ST3GAL6: variants seen among roughly 807,000 people sequenced by gnomAD.
ST3GAL6 encodes type 2 lactosamine alpha-2,3-sialyltransferase.
In ST3GAL6, 31 loss-of-function variants were observed where a neutral mutation model predicts 40.5. That is an observed-to-expected ratio of 0.77 (90% CI 0.58 to 1.03). The LOEUF (loss-of-function observed/expected upper bound fraction) is 1.03, where lower values mean the gene tolerates loss of function less well. ST3GAL6 is among the 50% of genes least tolerant of loss of function. The pLI, the probability that ST3GAL6 is intolerant of heterozygous loss-of-function variation, is 0.00. For missense variants in ST3GAL6, 357 were observed against 393.2 expected, an observed-to-expected ratio of 0.91 and a Z score of 0.78; for synonymous variants, 129 against 136.9, an observed-to-expected ratio of 0.94 and a Z score of 0.40.
intron 5 of ST3GAL6, among the ~76,000 whole-genome samples, chr3:98,777,497 A>T (rs777062554): frequency 6.6e-6 from 1 of 152,192 alleles, no homozygotes; most frequent in Non-Finnish European, 1.5e-5. Flanking sequence ...GGCCACCCCT[A>T]GCTGGAATGT....
intron 1 of ST3GAL6, among the ~76,000 whole-genome samples, chr3:98,751,250 T>C (rs1457156497): frequency 6.6e-6 from 1 of 152,132 alleles, no homozygotes; most frequent in East Asian, 1.9e-4. Context: ...TTTAAAATTG[T>C]GATGGATTCT....
At chr3:98,767,752 A>T (rs765206158) in intron 1 of ST3GAL6, among the ~76,000 whole-genome samples, 9 of 152,172 alleles carry the variant, frequency 5.9e-5, no homozygotes, top group Non-Finnish European at 7.3e-5. Context: ...CATTTTAGAG[A>T]GGATTGTGTC....
Position 98,788,480 on chromosome 3 carries a change from G to T in ST3GAL6, c.756+17G>T, listed in dbSNP as rs1241208277. On this transcript the variant is annotated intron_variant, in intron 8 of 9. Transcript: ENST00000483910. ...AAAAATCAGGTATGTATTTATCTCT[G>T]CATGGTTTCAAACTACAGATCTGGC... The T allele has an allele frequency of 5.0e-6, 8 of 1,587,888 alleles. No homozygotes were observed. Among genetic ancestry groups the T allele is most frequent in the Admixed American group, 1.8e-5 (1 of 55,210 alleles).
At chr3:98,733,072 C>G in intron 1 of ST3GAL6, 9 of 1,382,872 alleles carry the variant, frequency 6.5e-6, no homozygotes, top group Non-Finnish European at 8.4e-6. Context: ...GGCCTGGGGT[C>G]TGTGCTGCCC....
At chr3:98,771,091 T>G in intron 3 of ST3GAL6, 135 bp downstream of exon 3, 1 of 1,509,646 alleles carries the variant, frequency 6.6e-7, no homozygotes, top group Non-Finnish European at 8.9e-7. Context: ...AGGAAGAGCT[T>G]GAATATCCTG....
intron 4 of ST3GAL6, 143 bp downstream of exon 4, chr3:98,773,059 G>A (rs1372577795): frequency 1.9e-6 from 1 of 533,664 alleles, no homozygotes; most frequent in Admixed American, 3.4e-5. Flanking sequence ...GGAATGAAAT[G>A]AATTACATTT....
chr3:98,785,281 A>T (rs1004278282), intron 6 of ST3GAL6, among the ~76,000 whole-genome samples: 4 of 152,238 alleles, frequency 2.6e-5, no homozygotes, highest in African/African-American at 9.6e-5. Flanking sequence ...AGAGATAGCA[A>T]TGGATAAGAA....
At chr3:98,749,419 C>T (rs1044601857) in intron 1 of ST3GAL6, among the ~76,000 whole-genome samples, 1 of 152,142 alleles carries the variant, frequency 6.6e-6, no homozygotes, top group African/African-American at 2.4e-5. Context: ...GAGAGCAGGA[C>T]AGTTTCAACA....
chr3:98,746,354 C>A (rs1055421193), intron 1 of ST3GAL6, among the ~76,000 whole-genome samples: 1 of 151,788 alleles, frequency 6.6e-6, no homozygotes, highest in African/African-American at 2.4e-5. Context: ...CAAACAGACT[C>A]CATTGTAACC....
intron 3 of ST3GAL6, chr3:98,771,293 A>T: frequency 1.7e-6 from 1 of 574,124 alleles, no homozygotes; most frequent in South Asian, 2.1e-5. Context: ...TTCCACCCTT[A>T]TTAATTTGTG....
chr3:98,789,889 G>A (rs1208334391), intron 8 of ST3GAL6, among the ~76,000 whole-genome samples: 1 of 152,188 alleles, frequency 6.6e-6, no homozygotes, highest in Non-Finnish European at 1.5e-5. Context: ...CTACATCAAA[G>A]TCCCAGTAGG....
chr3:98,737,281 A>G (rs1409746812), intron 1 of ST3GAL6, among the ~76,000 whole-genome samples: 1 of 151,994 alleles, frequency 6.6e-6, no homozygotes, highest in Non-Finnish European at 1.5e-5. Context: ...GAACTCCTGA[A>G]TTCAGGTGAT....
intron 1 of ST3GAL6, among the ~76,000 whole-genome samples, chr3:98,745,853 A>G (rs1936502067): frequency 2.6e-5 from 4 of 152,222 alleles, no homozygotes. Flanking sequence ...TTTGTAGTTC[A>G]GAGGTCAGGG....
intron 1 of ST3GAL6, chr3:98,756,539 A>G: frequency 8.0e-7 from 1 of 1,252,206 alleles, no homozygotes; most frequent in Non-Finnish European, 1.0e-6. Context: ...TTAAAAGTGC[A>G]GGTAAGCAAA....
chr3:98,749,241 T>C (rs906161962), intron 1 of ST3GAL6, among the ~76,000 whole-genome samples: 9 of 152,204 alleles, frequency 5.9e-5, no homozygotes, highest in Non-Finnish European at 1.5e-5. Context: ...AGGAAATAAA[T>C]CTAGGATTGT....
At chr3:98,740,711 C>A (rs2107277975) in intron 1 of ST3GAL6, among the ~76,000 whole-genome samples, 1 of 152,266 alleles carries the variant, frequency 6.6e-6, no homozygotes, top group East Asian at 1.9e-4. Flanking sequence ...AATATTTGAG[C>A]ATAGTTTCTG....
At chr3:98,742,698 T>C (rs34382949) in intron 1 of ST3GAL6, among the ~76,000 whole-genome samples, 19 of 130,678 alleles carry the variant, frequency 1.5e-4, no homozygotes, top group Middle Eastern at 4.4e-3. Flanking sequence ...TTCTTTCTTT[T>C]TTTTTTTTTT....
chr3:98,777,103 T>A (rs1164289692), intron 5 of ST3GAL6, among the ~76,000 whole-genome samples: 1 of 152,180 alleles, frequency 6.6e-6, no homozygotes, highest in Admixed American at 6.5e-5. Context: ...GTATGATGGC[T>A]GGAGTTCCAC....
Position 98,763,388 on chromosome 3 carries a change from A to AG in ST3GAL6, c.-59dup. ...GACTAGGATGGATGACGGCCTGTCC[A>AG]GGGGCTGAATGGACACAGGTGTCAG... is the stretch of plus-strand genomic sequence containing the variant. On this transcript the variant is annotated 5_prime_UTR_variant, in exon 1 of 10. The change abolishes the stop of an existing upstream ORF in the 5' untranslated region. Coordinates refer to ENST00000483910, the MANE Select transcript of ST3GAL6 (RefSeq NM_001323368.2). 1 of 1,289,814 alleles carries AG rather than the reference A, an allele frequency of 7.8e-7. No individual in the cohort carries two copies. The highest frequency in any genetic ancestry group is 1.0e-6 in the Non-Finnish European group (1 of 988,872). The allele number at this position is 1,289,814 out of a possible 1,614,324, so 79.9% of individuals were successfully genotyped here.
Sources: allele counts gnomAD v4.1 joint callset (sites outside exome capture counted in the v4.1 genomes callset), GRCh38; gene constraint gnomAD v4.1.1; transcripts MANE v1.5; gene names NCBI Gene and HGNC (gene_info 2026-07-23, HGNC 2026-07-21).